The following ETV1 variants were observed in gnomAD, a reference collection of about 807,000 sequenced individuals.
ETV1 encodes the protein ETS translocation variant 1.
ETV1 carries 27 observed loss-of-function variants against 62.3 expected under a neutral mutation model. The ratio of observed to expected loss-of-function variants is 0.43; its 90% CI spans 0.32 to 0.60. The LOEUF (loss-of-function observed/expected upper bound fraction) is 0.60, where lower values mean the gene tolerates loss of function less well. ETV1 is among the 20% of genes least tolerant of loss of function. ETV1 has a pLI of 0.06. For synonymous variants in ETV1, 222 were observed against 199.6 expected (o/e 1.11, Z -0.94); for missense variants, 605 against 605.8 (o/e 1.00, Z 0.01).
upstream of ETV1, among the ~76,000 whole-genome samples, chr7:13,990,113 C>T (rs934183600): frequency 6.6e-5 from 10 of 152,144 alleles, no homozygotes; most frequent in African/African-American, 2.4e-4. Flanking sequence ...GATCTCCAAC[C>T]TCTCTACTCT....
At chr7:13,962,883 G>A (rs1241031184) in intron 6 of ETV1, among the ~76,000 whole-genome samples, 4 of 151,974 alleles carry the variant, frequency 2.6e-5, no homozygotes, top group African/African-American at 9.7e-5. Flanking sequence ...ACAAGCATAC[G>A]AATATATATA....
intron 5 of ETV1, among the ~76,000 whole-genome samples, chr7:13,981,026 A>C (rs1781927511): frequency 6.6e-6 from 1 of 152,116 alleles, no homozygotes; most frequent in South Asian, 2.1e-4. Flanking sequence ...GCGATGAAAA[A>C]GTTTCCAAGG....
chr7:13,974,781 G>C (rs943873035), intron 6 of ETV1: 7 of 152,246 alleles, frequency 4.6e-5, no homozygotes, highest in African/African-American at 9.6e-5. Flanking sequence ...AGCAACGTTG[G>C]TCAGGAAAAA....
chr7:13,954,368 G>A (rs1294828173), intron 6 of ETV1, among the ~76,000 whole-genome samples: 1 of 152,116 alleles, frequency 6.6e-6, no homozygotes, highest in Non-Finnish European at 1.5e-5. Flanking sequence ...AAGCCCAGAG[G>A]TAAGAGCAAT....
At chr7:13,904,699 A>T (rs1445033310) in intron 12 of ETV1, among the ~76,000 whole-genome samples, 1 of 152,040 alleles carries the variant, frequency 6.6e-6, no homozygotes, top group Non-Finnish European at 1.5e-5. Context: ...TCCCTGTAGA[A>T]AGTGCTCAGT....
rs369223708 is a variant in ETV1 at position 13,907,486 on chromosome 7, A to G, written c.941-887T>C. ...AAAATCTGTTAAATAGAGCACAGCA[A>G]TAAAGGTGTTCATGTTGCAATGCTT... On this transcript the variant is annotated intron_variant, in intron 11 of 13. Coordinates refer to ENST00000430479, the MANE Select transcript of ETV1 (RefSeq NM_004956.5). 2.2e-4 allele frequency among the ~76,000 whole-genome samples: 33 copies of G among 152,260 alleles called. No individual in the cohort carries two copies. In the East Asian group the frequency reaches 6.0e-3, roughly 28 times the overall value.
rs374880987 is a variant in ETV1, at chr7:13,891,244, C to T, written c.*4622G>A. 2.0e-3 allele frequency: 438 copies of T among 222,940 alleles called. 2 individuals are homozygous for T. Among genetic ancestry groups the T allele is most frequent in the African/African-American group, 9.2e-3 (414 of 44,852 alleles). 13.8% of individuals were successfully genotyped at this position (222,940 alleles called of 1,614,324 possible). A position where few individuals can be genotyped will look rare whatever the true frequency, so the allele number is the denominator to read the frequency against. ...CAGTCCAATATTTTCAGTTTCTGGG[C>T]TTTTATTTTAGATTTAAATTTTGAG... On this transcript the variant is annotated 3_prime_UTR_variant, in exon 14 of 14. Coordinates refer to ENST00000430479, the MANE Select transcript of ETV1 (RefSeq NM_004956.5).
chr7:13,938,738 A>G (rs1325969834), intron 7 of ETV1, among the ~76,000 whole-genome samples: 2 of 152,208 alleles, frequency 1.3e-5, no homozygotes, highest in African/African-American at 4.8e-5. Flanking sequence ...CTGGCAGATA[A>G]CTAATGTACT....
chr7:13,912,402 A>T (rs184996408), intron 9 of ETV1, among the ~76,000 whole-genome samples: 104 of 152,354 alleles, frequency 6.8e-4, no homozygotes, highest in Non-Finnish European at 1.4e-3. Flanking sequence ...AATTTCACTA[A>T]TACCATCTCT....
intron 12 of ETV1, among the ~76,000 whole-genome samples, chr7:13,904,615 G>C (rs985176561): frequency 2.0e-5 from 3 of 151,970 alleles, no homozygotes; most frequent in African/African-American, 4.8e-5. Flanking sequence ...TATATGGCAG[G>C]AACAACAACA....
In ETV1 at chr7:13,988,150, G is replaced by T; in HGVS notation, c.69C>A (p.Asn23Lys). 6.2e-7 allele frequency: 1 copy of T among 1,611,256 alleles called. No homozygotes were observed. Among genetic ancestry groups the T allele is most frequent in the Non-Finnish European group, 8.5e-7 (1 of 1,177,688 alleles). ...VTNSQRGRNC[N>K]EKPTNVRKRK... ...TTTTCCTGACATTTGTTGGTTTCTC[G>T]TTACAATTTCTCCCACGCTGACTCT... The change falls in exon 4 of 14, where the codon AAC (asparagine) becomes AAA (lysine). Residue 23 changes from asparagine to lysine, a missense_variant. Asn to Lys is a moderately conservative substitution (Grantham distance 94). Transcript: ENST00000430479.
In ETV1 at chr7:13,959,931, T is replaced by C. The variant is rs111271216; in HGVS notation, c.235+17496A>G. ...AAAAGATCTATTCTCTGGAACCTTT[T>C]TTTTTTTAAATTGGGAGCCATACAT... On this transcript the variant is annotated intron_variant, in intron 6 of 13. Transcript: ENST00000430479. Among the ~76,000 whole-genome samples, 527 of 151,642 alleles carry C rather than the reference T, an allele frequency of 3.5e-3. 10 individuals carry two copies. The highest frequency in any genetic ancestry group is 0.012 in the African/African-American group (493 of 41,434).
chr7:13,931,190 GA>G (rs1240483807), intron 9 of ETV1, among the ~76,000 whole-genome samples: 9 of 151,670 alleles, frequency 5.9e-5, no homozygotes, highest in African/African-American at 1.7e-4. Flanking sequence ...AAAATAAGAA[GA>G]AAAAAAAGTA....
At chr7:13,951,138 A>C (rs1788773713) in intron 6 of ETV1, among the ~76,000 whole-genome samples, 1 of 152,108 alleles carries the variant, frequency 6.6e-6, no homozygotes, top group African/African-American at 2.4e-5. Context: ...CCCCCTATTT[A>C]ACACATAGAT....
chr7:13,949,261 C>T lies in ETV1; in HGVS notation c.236-10015G>A, dbSNP rs74730041. On this transcript the variant is annotated intron_variant, in intron 6 of 13. Transcript: ENST00000430479. Reference sequence around the variant, plus strand: ...AGATACAAGCATGGCATGAAAAATGCACACAGCCTTTTATACAAATATATG... The same window carrying T: ...AGATACAAGCATGGCATGAAAAATGTACACAGCCTTTTATACAAATATATG... Among the ~76,000 whole-genome samples the T allele has an allele frequency of 2.9e-3, 437 of 152,092 alleles. 9 individuals carry two copies. The East Asian group carries it at 0.06, about 21-fold the overall frequency.
chr7:13,936,608 A>T (rs989811476), intron 7 of ETV1, among the ~76,000 whole-genome samples: 5 of 152,222 alleles, frequency 3.3e-5, no homozygotes, highest in Non-Finnish European at 7.3e-5. Context: ...TTGATTTTAC[A>T]TTATGATTTT....
In ETV1 at chr7:13,903,804, C is replaced by A. The variant is rs527414133; in HGVS notation, c.1110+2626G>T. Among the ~76,000 whole-genome samples the A allele has an allele frequency of 2.0e-5, 3 of 151,582 alleles. No homozygotes were observed. In the South Asian group the frequency reaches 6.3e-4, roughly 32 times the overall value. ...AAAAATTGTTTCCTGGAACAATTCCCTAGGAGACATGACTAATTCAAAAAT... is the reference window on the plus strand; with the variant it reads ...AAAAATTGTTTCCTGGAACAATTCCATAGGAGACATGACTAATTCAAAAAT... On this transcript the variant is annotated intron_variant, in intron 12 of 13. Coordinates refer to ENST00000430479, the MANE Select transcript of ETV1 (RefSeq NM_004956.5).
At chr7:13,984,505 G>A (rs1242503617) in intron 5 of ETV1, among the ~76,000 whole-genome samples, 2 of 151,858 alleles carry the variant, frequency 1.3e-5, no homozygotes, top group Non-Finnish European at 2.9e-5. Context: ...GAAACAAGAA[G>A]TTAAAAAGAT....
intron 6 of ETV1, among the ~76,000 whole-genome samples, chr7:13,966,415 T>C (rs1780297148): frequency 6.6e-6 from 1 of 152,076 alleles, no homozygotes; most frequent in African/African-American, 2.4e-5. Flanking sequence ...GGAGGATTGC[T>C]TGGTCTCAGG....
Sources: gnomAD v4.1 joint callset for allele counts (sites outside exome capture counted in the v4.1 genomes callset) on GRCh38, gnomAD v4.1.1 for gene constraint, MANE v1.5 for transcripts, NCBI Gene and HGNC (gene_info 2026-07-23, HGNC 2026-07-21) for gene names.